Variants in PIK3R3 observed in about 807,000 individuals in gnomAD.
The protein encoded by PIK3R3 is phosphatidylinositol 3-kinase regulatory subunit gamma.
In PIK3R3, 64 loss-of-function variants were observed where a neutral mutation model predicts 62.9. The ratio of observed to expected loss-of-function variants is 1.02; its 90% CI spans 0.83 to 1.25. The LOEUF (loss-of-function observed/expected upper bound fraction) is 1.25, where lower values mean the gene tolerates loss of function less well. Ranked by LOEUF, PIK3R3 falls within the 50% of genes most tolerant of loss-of-function variation. PIK3R3 has a pLI of 0.00. For missense variants in PIK3R3, 614 were observed against 561.6 expected (o/e 1.09, Z -0.94); for synonymous variants, 165 against 189.0 (o/e 0.87, Z 1.04).
chr1:46,162,671 G>C, the PIK3R3 span, among the ~76,000 whole-genome samples: 1 of 151,946 alleles, frequency 6.6e-6, no homozygotes, highest in Non-Finnish European at 1.5e-5. Flanking sequence ...GCCCAGGCTG[G>C]AGTACAGTGA....
the PIK3R3 span, among the ~76,000 whole-genome samples, chr1:46,155,482 T>C: frequency 6.6e-6 from 1 of 151,906 alleles, no homozygotes; most frequent in East Asian, 1.9e-4. Flanking sequence ...GATCTCACTC[T>C]GTCACCCAGG....
the PIK3R3 span, among the ~76,000 whole-genome samples, chr1:46,161,080 G>A: frequency 6.6e-6 from 1 of 152,130 alleles, no homozygotes; most frequent in Admixed American, 6.6e-5. Context: ...CACCCAAAAA[G>A]TAATGATTCA....
intron 1 of PIK3R3, among the ~76,000 whole-genome samples, chr1:46,126,440 AG>A (rs1246555579): frequency 6.6e-6 from 1 of 151,652 alleles, no homozygotes; most frequent in Admixed American, 6.6e-5. Flanking sequence ...CAGGTGGCTG[AG>A]GCAGGAGAAT....
Position 46,132,177 on chromosome 1 carries a change from C to G in PIK3R3, c.-225G>C, listed in dbSNP as rs534914322. 1.1e-5 allele frequency: 15 copies of G among 1,317,674 alleles called. No individual in the cohort carries two copies. The East Asian group carries it at 2.0e-4, about 17-fold the overall frequency. The allele number at this position is 1,317,674 out of a possible 1,614,324, so 81.6% of individuals were successfully genotyped here. A position where few individuals can be genotyped will look rare whatever the true frequency, so the allele number is the denominator to read the frequency against. On this transcript the variant is annotated 5_prime_UTR_variant, in exon 1 of 10. Transcript: ENST00000262741. The stretch of plus-strand genomic sequence containing the variant: ...CCGAACTTTCAAGCTATGGGCTTTT[C>G]TCCTCAGAGGATTACACAGAGGCTT...
chr1:46,070,474 C>A (rs1040584362), intron 3 of PIK3R3, among the ~76,000 whole-genome samples: 1 of 152,096 alleles, frequency 6.6e-6, no homozygotes, highest in Admixed American at 6.5e-5. Context: ...GAAAGGCTGT[C>A]CTTTAAAAGA....
In PIK3R3 at chr1:46,062,830, G is replaced by A. The variant is rs192218712; in HGVS notation, c.622-759C>T. 3.1e-3 allele frequency among the ~76,000 whole-genome samples: 472 copies of A among 152,240 alleles called. 1 individual carries two copies. The highest frequency in any genetic ancestry group is 5.0e-3 in the Non-Finnish European group (341 of 68,020). On this transcript the variant is annotated intron_variant, in intron 5 of 9. Coordinates refer to ENST00000262741, the MANE Select transcript of PIK3R3 (RefSeq NM_003629.4). The stretch of plus-strand genomic sequence containing the variant: ...TTTCAGTTTTGGTTGGTGGGTGGGT[G>A]GGTGGATTGGTTTTTTTAAAACTGT...
At position 46,132,345 on chromosome 1, in the gene PIK3R3, G is replaced by C; in HGVS notation, c.-393C>G. On this transcript the variant is annotated 5_prime_UTR_variant, in exon 1 of 10. Transcript: ENST00000262741. ...TGTCCTTCGAAGGAGGGAGAATGAAGAGGAAAAAAAAGAACACGTTGGGAG... is the reference window on the plus strand; with the variant it reads ...TGTCCTTCGAAGGAGGGAGAATGAACAGGAAAAAAAAGAACACGTTGGGAG... 1 of 1,104,200 alleles carries C rather than the reference G, an allele frequency of 9.1e-7. No individual in the cohort carries two copies. The highest frequency in any genetic ancestry group is 1.1e-6 in the Non-Finnish European group (1 of 899,100). The allele number at this position is 1,104,200 out of a possible 1,614,324, so 68.4% of individuals were successfully genotyped here. A position where few individuals can be genotyped will look rare whatever the true frequency, so the allele number is the denominator to read the frequency against.
chr1:46,045,864 T>C, intron 9 of PIK3R3, 54 bp downstream of exon 9: 1 of 1,479,328 alleles, frequency 6.8e-7, no homozygotes, highest in African/African-American at 1.4e-5. Flanking sequence ...GGGTTGATTT[T>C]ATAATAATTG....
At chr1:46,073,884 T>A (rs1649781674) in intron 3 of PIK3R3, among the ~76,000 whole-genome samples, 1 of 150,364 alleles carries the variant, frequency 6.7e-6, no homozygotes, top group South Asian at 2.2e-4. Context: ...TCCGCCTGCC[T>A]TGGCCTCCCA....
chr1:46,125,156 T>C (rs1443402848), intron 1 of PIK3R3, among the ~76,000 whole-genome samples: 1 of 151,822 alleles, frequency 6.6e-6, no homozygotes, highest in African/African-American at 2.4e-5. Flanking sequence ...ATCAAAACAA[T>C]GAGAATAAAT....
chr1:46,162,648 G>T, the PIK3R3 span, among the ~76,000 whole-genome samples: 1 of 152,060 alleles, frequency 6.6e-6, no homozygotes, highest in Non-Finnish European at 1.5e-5. Context: ...CCGAGACAGA[G>T]TCTTGCTCTG....
At chr1:46,133,132 G>T (rs1409362694), upstream of PIK3R3, 1 of 639,698 alleles carries the variant, frequency 1.6e-6, no homozygotes, top group African/African-American at 2.0e-5. Context: ...GGAGACAGCC[G>T]GCGCCGGCCG....
chr1:46,102,803 TAAAAAAAAAAA>T (rs33975572), intron 1 of PIK3R3, among the ~76,000 whole-genome samples: 4 of 55,768 alleles, frequency 7.2e-5, no homozygotes, highest in East Asian at 1.2e-3. Flanking sequence ...GTATATATCT[TAAAAAAAAAAA>T]AAAAAAAAAA....
At chr1:46,142,385 C>G in the PIK3R3 span, among the ~76,000 whole-genome samples, 2 of 152,172 alleles carry the variant, frequency 1.3e-5, no homozygotes, top group Non-Finnish European at 2.9e-5. Context: ...GAGAGCACAT[C>G]GCTCTTTGAG....
At chr1:46,144,852 C>T in the PIK3R3 span, among the ~76,000 whole-genome samples, 14 of 151,446 alleles carry the variant, frequency 9.2e-5, no homozygotes, top group Non-Finnish European at 1.0e-4. Flanking sequence ...AGGCTGGGCA[C>T]GGCGGCTCAT....
chr1:46,145,370 T>A, the PIK3R3 span, among the ~76,000 whole-genome samples: 6 of 46,872 alleles, frequency 1.3e-4, no homozygotes, highest in East Asian at 1.3e-3. Context: ...GGATAACTTT[T>A]TAAAAAAAAA....
At chr1:46,089,140 A>C (rs1651367139) in intron 1 of PIK3R3, among the ~76,000 whole-genome samples, 1 of 152,168 alleles carries the variant, frequency 6.6e-6, no homozygotes, top group African/African-American at 2.4e-5. Flanking sequence ...AAAATGAAGA[A>C]ATAAACTAGG....
chr1:46,126,308 C>T (rs548470640), intron 1 of PIK3R3, among the ~76,000 whole-genome samples: 1 of 151,856 alleles, frequency 6.6e-6, no homozygotes, highest in East Asian at 2.0e-4. Context: ...GAGGCCGACT[C>T]GGGTGGATCA....
intron 3 of PIK3R3, among the ~76,000 whole-genome samples, chr1:46,070,420 A>G (rs1161577256): frequency 6.6e-6 from 1 of 152,254 alleles, no homozygotes; most frequent in East Asian, 1.9e-4. Context: ...CTGTGTCCAT[A>G]TATCAGTGAA....
Sources: gnomAD v4.1 joint callset for allele counts (sites outside exome capture counted in the v4.1 genomes callset) on GRCh38, gnomAD v4.1.1 for gene constraint, MANE v1.5 for transcripts, NCBI Gene and HGNC (gene_info 2026-07-23, HGNC 2026-07-21) for gene names.